Variants in ATP5F1E observed in about 807,000 individuals in gnomAD.
ATP5F1E encodes ATP synthase F(1) complex subunit epsilon, mitochondrial.
Under a neutral mutation model 7.0 loss-of-function variants are expected in ATP5F1E, and 5 were observed. The ratio of observed to expected loss-of-function variants is 0.71; its 90% CI spans 0.37 to 1.49. The LOEUF is 1.49. Ranked by LOEUF, ATP5F1E falls within the 40% of genes most tolerant of loss-of-function variation. The pLI is 0.03. For synonymous variants in ATP5F1E, 20 were observed against 20.1 expected, an observed-to-expected ratio of 0.99 and a Z score of 0.02; for missense variants, 59 against 57.1, an observed-to-expected ratio of 1.03 and a Z score of -0.11.
chr20:59,031,882 G>C lies in ATP5F1E; in HGVS notation c.32+338C>G, dbSNP rs543787913. Among the ~76,000 whole-genome samples the C allele has an allele frequency of 2.0e-5, 3 of 152,342 alleles. No individual in the cohort carries two copies. In the East Asian group the frequency reaches 5.8e-4, roughly 29 times the overall value. On this transcript the variant is annotated intron_variant, in intron 1 of 2. Coordinates refer to ENST00000243997, the MANE Select transcript of ATP5F1E (RefSeq NM_006886.4). ...GTGACTGTACTACTTTCACCACCTG[G>C]CTCCAGCACCATTCTAGAAGAAAAA...
At chr20:59,030,072 G>GA in intron 2 of ATP5F1E, 1 of 414,220 alleles carries the variant, frequency 2.4e-6, no homozygotes, top group South Asian at 2.1e-5. Flanking sequence ...TAAATGAACT[G>GA]AAAATCAATG....
At position 59,025,864 on chromosome 20, in the gene ATP5F1E, G is replaced by C. The variant is rs981894899; in HGVS notation, c.*2981C>G. On this transcript the variant is annotated 3_prime_UTR_variant, in exon 3 of 3. Coordinates refer to ENST00000243997, the MANE Select transcript of ATP5F1E (RefSeq NM_006886.4). ...TTTAAGCACTACATGATTTTAATCT[G>C]CTCACATTATAACAGGACCAAATAC... is the stretch of plus-strand genomic sequence containing the variant. 1 of 152,182 alleles carries C rather than the reference G, an allele frequency of 6.6e-6. No homozygotes were observed. Among genetic ancestry groups the C allele is most frequent in the Admixed American group, 6.5e-5 (1 of 15,282 alleles). 9.4% of individuals were successfully genotyped at this position (152,182 alleles called of 1,614,324 possible). A position where few individuals can be genotyped will look rare whatever the true frequency, so the allele number is the denominator to read the frequency against.
At chr20:59,030,512 T>A in intron 1 of ATP5F1E, 83 bp from the exon 2 acceptor site, 1 of 1,557,906 alleles carries the variant, frequency 6.4e-7, no homozygotes, top group African/African-American at 1.4e-5. Context: ...CTTTTCTTCC[T>A]GTACTTTTTA....
chr20:59,030,413 G>C lies in ATP5F1E; in HGVS notation c.49C>G (p.Gln17Glu). The change falls in exon 2 of 3, where the codon CAG (glutamine) becomes GAG (glutamate). Residue 17 changes from glutamine (Q) to glutamate (E), a missense_variant. Transcript: ENST00000243997. ...QAGLSYIRYSQICAKAVRDAL... is the reference protein window; with the variant it reads ...QAGLSYIRYSEICAKAVRDAL... ...TCTCTCACTGCTTTTGCACAGATCT[G>C]GGAGTATCGGATGTAGCTGGGAGAA... 6.2e-7 allele frequency: 1 copy of C among 1,613,822 alleles called. No homozygotes were observed. Among genetic ancestry groups the C allele is most frequent in the Non-Finnish European group, 8.5e-7 (1 of 1,179,830 alleles).
At position 59,030,401 on chromosome 20, in the gene ATP5F1E, T is replaced by C. The variant is rs752712765; in HGVS notation, c.61A>G (p.Lys21Glu). Residue 21 changes from lysine (K) to glutamate (E), a missense_variant, in exon 2 of 3, where the codon AAA becomes GAA. Physicochemically the swap from Lys to Glu is moderately conservative, Grantham distance 56. Transcript: ENST00000243997. ...SYIRYSQICA[K>E]AVRDALKTEF... ...GTCTTCAGTGCATCTCTCACTGCTT[T>C]TGCACAGATCTGGGAGTATCGGATG... 4 of 1,613,818 alleles carry C rather than the reference T, an allele frequency of 2.5e-6. No homozygotes were observed. In the East Asian group the frequency reaches 6.7e-5, roughly 27 times the overall value.
intron 2 of ATP5F1E, chr20:59,029,451 G>C (rs1301210147): frequency 6.6e-6 from 1 of 152,184 alleles, no homozygotes; most frequent in Non-Finnish European, 1.5e-5. Context: ...GTTCCAATAA[G>C]TAAAATTGCT....
Position 59,030,284 on chromosome 20 carries a change from AAAT to A in ATP5F1E, c.*3+16_*3+18del. The A allele has an allele frequency of 6.2e-7, 1 of 1,612,526 alleles. No homozygotes were observed. The highest frequency in any genetic ancestry group is 8.5e-7 in the Non-Finnish European group (1 of 1,179,100). Reference sequence around the variant, plus strand: ...AAACTTAAGATGCAACTGTTCTTCTAAATAAATCCATAACTTACAGATTATTCC... The same window carrying A: ...AAACTTAAGATGCAACTGTTCTTCTAAAATCCATAACTTACAGATTATTCC... On this transcript the variant is annotated intron_variant, in intron 2 of 2. Transcript: ENST00000243997.
intron 1 of ATP5F1E, among the ~76,000 whole-genome samples, chr20:59,030,878 A>G (rs1195874038): frequency 6.6e-6 from 1 of 152,258 alleles, no homozygotes; most frequent in East Asian, 1.9e-4. Context: ...ATTTTGAATT[A>G]AAACAATTCG....
chr20:59,029,911 T>G (rs995021150), intron 2 of ATP5F1E: 5 of 265,188 alleles, frequency 1.9e-5, no homozygotes, highest in African/African-American at 1.1e-4. Flanking sequence ...AATAAAAATG[T>G]AAAGAACTGT....
At chr20:59,030,201 G>C (rs929338278) in intron 2 of ATP5F1E, 102 bp downstream of exon 2, 2 of 1,459,176 alleles carry the variant, frequency 1.4e-6, no homozygotes, top group Non-Finnish European at 1.9e-6. Flanking sequence ...CAAATACACT[G>C]ACTAAAAAAT....
Position 59,027,317 on chromosome 20 carries a change from T to G in ATP5F1E, c.*1528A>C, listed in dbSNP as rs115260349. The G allele has an allele frequency of 8.8e-4, 134 of 151,988 alleles. 1 individual carries two copies. The highest frequency in any genetic ancestry group is 3.1e-3 in the African/African-American group (127 of 41,390). The allele number at this position is 151,988 out of a possible 1,614,324, so 9.4% of individuals were successfully genotyped here. A position where few individuals can be genotyped will look rare whatever the true frequency, so the allele number is the denominator to read the frequency against. On this transcript the variant is annotated 3_prime_UTR_variant, in exon 3 of 3. Coordinates refer to ENST00000243997, the MANE Select transcript of ATP5F1E (RefSeq NM_006886.4). ...ACCATATACCAATAATCTGCCAATA[T>G]ACTACCAATCTACCATACCATCTAT...
chr20:59,032,095 G>A, intron 1 of ATP5F1E, 125 bp downstream of exon 1: 2 of 1,358,936 alleles, frequency 1.5e-6, no homozygotes, highest in Non-Finnish European at 2.0e-6. Flanking sequence ...TGGCGGCGAC[G>A]CCCGAGGCTT....
Position 59,025,620 on chromosome 20 carries a change from T to C in ATP5F1E, c.*3225A>G, listed in dbSNP as rs900050718. ...TTAAAGGCTATTTTGAAATGGTCTTTTCACTTTCATTCAGTCATCACCCCC... is the reference window on the plus strand; with the variant it reads ...TTAAAGGCTATTTTGAAATGGTCTTCTCACTTTCATTCAGTCATCACCCCC... On this transcript the variant is annotated 3_prime_UTR_variant, in exon 3 of 3. Coordinates refer to ENST00000243997, the MANE Select transcript of ATP5F1E (RefSeq NM_006886.4). 6.6e-6 allele frequency: 1 copy of C among 152,224 alleles called. No individual in the cohort carries two copies. Among genetic ancestry groups the C allele is most frequent in the Non-Finnish European group, 1.5e-5 (1 of 68,044 alleles). The allele number at this position is 152,224 out of a possible 1,614,324, so 9.4% of individuals were successfully genotyped here.
chr20:59,032,164 C>A, intron 1 of ATP5F1E, 56 bp downstream of exon 1: 1 of 1,563,154 alleles, frequency 6.4e-7, no homozygotes, highest in Non-Finnish European at 8.7e-7. Context: ...CCTCTGGGCA[C>A]CGGGATGCGC....
rs978003877 is a variant in ATP5F1E, at chr20:59,028,673, T to A, written c.*172A>T. ...AAGAAAATGAAAAAGTCTCACAAAC[T>A]AAAATCAAGAGTAACAGTGAACCAT... On this transcript the variant is annotated 3_prime_UTR_variant, in exon 3 of 3. Coordinates refer to ENST00000243997, the MANE Select transcript of ATP5F1E (RefSeq NM_006886.4). 1 of 167,078 alleles carries A rather than the reference T, an allele frequency of 6.0e-6. No individual in the cohort carries two copies. Among genetic ancestry groups the A allele is most frequent in the Non-Finnish European group, 1.5e-5 (1 of 68,170 alleles). The allele number at this position is 167,078 out of a possible 1,614,324, so 10.3% of individuals were successfully genotyped here. A position where few individuals can be genotyped will look rare whatever the true frequency, so the allele number is the denominator to read the frequency against.
rs2091990067 is a variant in ATP5F1E, at chr20:59,025,550, T to C, written c.*3295A>G. ...TTATATAGTTTAAATTTCTTACTAC[T>C]GTTAGATCCCAGGAATTCATTAATA... On this transcript the variant is annotated 3_prime_UTR_variant, in exon 3 of 3. Transcript: ENST00000243997. 6.6e-6 allele frequency: 1 copy of C among 152,260 alleles called. No homozygotes were observed. Among genetic ancestry groups the C allele is most frequent in the Non-Finnish European group, 1.5e-5 (1 of 68,052 alleles). The allele number at this position is 152,260 out of a possible 1,614,324, so 9.4% of individuals were successfully genotyped here. A position where few individuals can be genotyped will look rare whatever the true frequency, so the allele number is the denominator to read the frequency against.
Position 59,030,408 on chromosome 20 carries a change from G to C in ATP5F1E, c.54C>G (p.Ile18Met), listed in dbSNP as rs199889297. Residue 18 changes from isoleucine to methionine, a missense_variant, in exon 2 of 3, where the codon ATC (isoleucine) becomes ATG (methionine). By Grantham distance (10) the Ile-to-Met change is conservative (BLOSUM62 1). Coordinates refer to ENST00000243997, the MANE Select transcript of ATP5F1E (RefSeq NM_006886.4). Reference sequence around the variant, plus strand: ...GTGCATCTCTCACTGCTTTTGCACAGATCTGGGAGTATCGGATGTAGCTGG... The same window carrying C: ...GTGCATCTCTCACTGCTTTTGCACACATCTGGGAGTATCGGATGTAGCTGG... ...AGLSYIRYSQ[I>M]CAKAVRDALK... 2.0e-5 allele frequency: 33 copies of C among 1,613,742 alleles called. No homozygotes were observed. Among genetic ancestry groups the C allele is most frequent in the Non-Finnish European group, 2.8e-5 (33 of 1,179,868 alleles).
At chr20:59,030,246 T>C in intron 2 of ATP5F1E, 57 bp downstream of exon 2, 1 of 1,603,712 alleles carries the variant, frequency 6.2e-7, no homozygotes, top group Non-Finnish European at 8.5e-7. Context: ...TTTTGATCTT[T>C]ATGGTGCTCC....
At position 59,027,643 on chromosome 20, in the gene ATP5F1E, C is replaced by T. The variant is rs1292398774; in HGVS notation, c.*1202G>A. The T allele has an allele frequency of 6.6e-6, 1 of 152,160 alleles. No individual in the cohort carries two copies. Among genetic ancestry groups the T allele is most frequent in the Non-Finnish European group, 1.5e-5 (1 of 68,030 alleles). 9.4% of individuals were successfully genotyped at this position (152,160 alleles called of 1,614,324 possible). A position where few individuals can be genotyped will look rare whatever the true frequency, so the allele number is the denominator to read the frequency against. On this transcript the variant is annotated 3_prime_UTR_variant, in exon 3 of 3. Coordinates refer to ENST00000243997, the MANE Select transcript of ATP5F1E (RefSeq NM_006886.4). Reference sequence around the variant, plus strand: ...GGCCACAGCACTGAACTGAGGTGCCCTAACTTGCCAACAGCAGGATGACAG... The same window carrying T: ...GGCCACAGCACTGAACTGAGGTGCCTTAACTTGCCAACAGCAGGATGACAG...
Sources: gnomAD v4.1 joint callset for allele counts (sites outside exome capture counted in the v4.1 genomes callset) on GRCh38, gnomAD v4.1.1 for gene constraint, MANE v1.5 for transcripts, NCBI Gene and HGNC (gene_info 2026-07-23, HGNC 2026-07-21) for gene names.